KIAA0513: variants seen among roughly 807,000 people sequenced by gnomAD.
KIAA0513 encodes KIAA0513, also known as uncharacterized protein KIAA0513.
In KIAA0513, 39 loss-of-function variants were observed where a neutral mutation model predicts 56.5. The observed-to-expected ratio is 0.69, with a 90% CI of 0.53 to 0.90. The LOEUF (loss-of-function observed/expected upper bound fraction) is 0.90. Among genes scored for constraint, KIAA0513 ranks in the 40% least tolerant of loss-of-function variants. The probability of loss-of-function intolerance (pLI) is 0.00; values close to 1 mark genes in which losing one functional copy is unlikely to be tolerated. For synonymous variants in KIAA0513, 268 were observed against 215.6 expected (o/e 1.24, Z -2.13); for missense variants, 591 against 535.2 (o/e 1.10, Z -1.03).
chr16:85,068,702 G>C lies in KIAA0513; in HGVS notation c.329+1302G>C, dbSNP rs62049890. Among the ~76,000 whole-genome samples the C allele has an allele frequency of 6.9e-3, 1,046 of 151,794 alleles. 9 individuals carry two copies. Among genetic ancestry groups the C allele is most frequent in the South Asian group, 0.025 (118 of 4,796 alleles). On this transcript the variant is annotated intron_variant, in intron 2 of 12. Transcript: ENST00000683363. The stretch of plus-strand genomic sequence containing the variant: ...GGCTGGTCTCGAACTCCTGACTTCA[G>C]GTGATCCGCCTGCCTCGGCCTCCCA...
At chr16:85,043,822 C>T (rs1391698362) in intron 1 of KIAA0513, among the ~76,000 whole-genome samples, 3 of 152,116 alleles carry the variant, frequency 2.0e-5, no homozygotes, top group South Asian at 2.1e-4. Flanking sequence ...CACCTGAGGT[C>T]GGGAGTTCGA....
chr16:85,053,430 C>T (rs906983095), intron 1 of KIAA0513, among the ~76,000 whole-genome samples: 4 of 152,202 alleles, frequency 2.6e-5, no homozygotes, highest in African/African-American at 9.6e-5. Flanking sequence ...TATGTTCCCA[C>T]ATTCTCTATC....
intron 8 of KIAA0513, chr16:85,079,272 CTG>C (rs1440217220): frequency 1.8e-5 from 10 of 558,414 alleles, no homozygotes; most frequent in Non-Finnish European, 2.9e-5. Flanking sequence ...AAGAGTTACT[CTG>C]TGACCCAGCA....
intron 1 of KIAA0513, among the ~76,000 whole-genome samples, chr16:85,038,741 T>C (rs116531971): frequency 0.057 from 8,407 of 148,614 alleles, 327 homozygotes; most frequent in Middle Eastern, 0.073. Flanking sequence ...AATAATATCT[T>C]TGTTGATAGA....
chr16:85,038,707 C>CAAAAAA (rs769470751), intron 1 of KIAA0513, among the ~76,000 whole-genome samples: 7 of 71,258 alleles, frequency 9.8e-5, no homozygotes, highest in Admixed American at 1.3e-4. Flanking sequence ...GACTCAGCCT[C>CAAAAAA]AAAAAAAAAA....
intron 8 of KIAA0513, among the ~76,000 whole-genome samples, chr16:85,080,917 T>C (rs981674404): frequency 1.3e-5 from 2 of 152,238 alleles, no homozygotes; most frequent in Non-Finnish European, 2.9e-5. Context: ...GACCCTGATG[T>C]AGAAAAGCAC....
chr16:85,030,291 G>A (rs1436002403), intron 1 of KIAA0513, among the ~76,000 whole-genome samples: 2 of 152,166 alleles, frequency 1.3e-5, no homozygotes, highest in Non-Finnish European at 2.9e-5. Flanking sequence ...AAGAGAGCAC[G>A]CAGTTCTCCG....
intron 1 of KIAA0513, among the ~76,000 whole-genome samples, chr16:85,036,060 C>G (rs975991127): frequency 3.9e-5 from 6 of 152,040 alleles, no homozygotes; most frequent in African/African-American, 1.5e-4. Context: ...AGCAATCCTA[C>G]CGCCTTGGCC....
chr16:85,070,187 A>AAG lies in KIAA0513; in HGVS notation c.330-1595_330-1594insGA, dbSNP rs1555523562. Among the ~76,000 whole-genome samples the AAG allele has an allele frequency of 4.6e-3, 683 of 147,552 alleles. 16 individuals carry two copies. Among genetic ancestry groups the AAG allele is most frequent in the Middle Eastern group, 0.014 (4 of 286 alleles). On this transcript the variant is annotated intron_variant, in intron 2 of 12. Transcript: ENST00000683363. ...CCCTGTCTCAAAAAAAAAAAAAGAA[A>AAG]AAAGAAAGAAATTTTGCGTTTTACT...
chr16:85,047,962 C>A (rs1180323114), intron 1 of KIAA0513, among the ~76,000 whole-genome samples: 1 of 152,206 alleles, frequency 6.6e-6, no homozygotes. Context: ...TAGCCACATT[C>A]AGTGGGCAGG....
At chr16:85,047,679 AG>A (rs2073190488) in intron 1 of KIAA0513, among the ~76,000 whole-genome samples, 1 of 152,112 alleles carries the variant, frequency 6.6e-6, no homozygotes, top group Non-Finnish European at 1.5e-5. Flanking sequence ...ACAGGGAGAA[AG>A]GAAAAAACCC....
intron 1 of KIAA0513, among the ~76,000 whole-genome samples, chr16:85,032,755 C>G (rs1306084200): frequency 6.6e-6 from 1 of 152,118 alleles, no homozygotes; most frequent in African/African-American, 2.4e-5. Context: ...CTCAGCCTCC[C>G]GAGTAGCTGG....
chr16:85,086,360 G>A (rs538671265), intron 10 of KIAA0513, among the ~76,000 whole-genome samples: 3 of 152,250 alleles, frequency 2.0e-5, no homozygotes, highest in South Asian at 2.1e-4. Flanking sequence ...GGATAGCCGC[G>A]TGGTGCTCCG....
At chr16:85,078,383 C>T (rs753276036) in intron 6 of KIAA0513, 32 bp from the exon 7 acceptor site, 19 of 1,613,216 alleles carry the variant, frequency 1.2e-5, no homozygotes, top group African/African-American at 1.3e-5. Context: ...GTGTGAGTCG[C>T]GTGTGTCATC....
intron 10 of KIAA0513, 146 bp from the exon 11 acceptor site, chr16:85,086,498 G>A (rs967934237): frequency 9.4e-6 from 7 of 743,666 alleles, no homozygotes; most frequent in East Asian, 2.7e-5. Context: ...CCCAGCACAC[G>A]GCTCTCCGGT....
At chr16:85,075,322 G>A (rs1456617804) in intron 4 of KIAA0513, among the ~76,000 whole-genome samples, 1 of 152,154 alleles carries the variant, frequency 6.6e-6, no homozygotes, top group Non-Finnish European at 1.5e-5. Context: ...AGGATAGAAA[G>A]GCAAAGAAAC....
chr16:85,070,004 A>G (rs946557483), intron 2 of KIAA0513, among the ~76,000 whole-genome samples: 2 of 151,104 alleles, frequency 1.3e-5, no homozygotes, highest in Non-Finnish European at 3.0e-5. Context: ...CTCTCTACAA[A>G]AAAAAAAACC....
chr16:85,045,658 G>C (rs571139837), intron 1 of KIAA0513, among the ~76,000 whole-genome samples: 1 of 152,272 alleles, frequency 6.6e-6, no homozygotes, highest in African/African-American at 2.4e-5. Flanking sequence ...CCCAGCCCCA[G>C]TGACCTTGTT....
intron 1 of KIAA0513, among the ~76,000 whole-genome samples, chr16:85,034,047 AG>A (rs1432785811): frequency 2.6e-5 from 4 of 152,100 alleles, no homozygotes; most frequent in African/African-American, 9.7e-5. Flanking sequence ...ACCTCGCCAC[AG>A]CACATCTGTT....
Sources: allele counts gnomAD v4.1 joint callset (sites outside exome capture counted in the v4.1 genomes callset), GRCh38; gene constraint gnomAD v4.1.1; transcripts MANE v1.5; gene names NCBI Gene and HGNC (gene_info 2026-07-23, HGNC 2026-07-21).